The following TCERG1 variants were observed in gnomAD, a reference collection of about 807,000 sequenced individuals.
TCERG1 encodes the protein transcription elongation regulator 1.
A neutral mutation model predicts 144.7 loss-of-function variants in TCERG1; 37 were observed. That is an observed-to-expected ratio of 0.26 (90% CI 0.20 to 0.34). The LOEUF (loss-of-function observed/expected upper bound fraction) is 0.34, where lower values mean the gene tolerates loss of function less well. Among genes scored for constraint, TCERG1 ranks in the 10% least tolerant of loss-of-function variants. The pLI is 1.00. For synonymous variants in TCERG1, 492 were observed against 458.2 expected (o/e 1.07, Z -0.94); for missense variants, 1,027 against 1,380.7 (o/e 0.74, Z 4.06).
rs555736607 is a variant in TCERG1, at chr5:146,473,904, C to T, written c.1601+2328C>T. ...AAGGAGATGAATGGTGTTTTCATGC[C>T]GCTAACAACATCCAGTCTGCAGCCC... On this transcript the variant is annotated intron_variant, in intron 9 of 22. Coordinates refer to ENST00000679501, the MANE Select transcript of TCERG1 (RefSeq NM_001382548.1). Among the ~76,000 whole-genome samples the T allele has an allele frequency of 1.3e-3, 195 of 152,230 alleles. 1 individual carries two copies. Among genetic ancestry groups the T allele is most frequent in the African/African-American group, 4.3e-3 (179 of 41,548 alleles).
rs759136671 is a variant in TCERG1, at chr5:146,463,525, CAT to C, written c.893-25_893-24del. The C allele has an allele frequency of 7.4e-6, 12 of 1,613,172 alleles. No individual in the cohort carries two copies. In the East Asian group the frequency reaches 2.2e-4, roughly 30 times the overall value. On this transcript the variant is annotated intron_variant, in intron 4 of 22. Coordinates refer to ENST00000679501, the MANE Select transcript of TCERG1 (RefSeq NM_001382548.1). ...TAAAATGATTTATGAAGGAGTGATACATGTTTTTGTTTTATCTTTTATCAGCA... is the reference window on the plus strand; with the variant it reads ...TAAAATGATTTATGAAGGAGTGATACGTTTTTGTTTTATCTTTTATCAGCA...
At chr5:146,489,289 C>T (rs570951148) in intron 15 of TCERG1, among the ~76,000 whole-genome samples, 1 of 152,034 alleles carries the variant, frequency 6.6e-6, no homozygotes, top group South Asian at 2.1e-4. Flanking sequence ...AAACACATTT[C>T]GATTGCACAT....
At position 146,492,979 on chromosome 5, in the gene TCERG1, A is replaced by T. The variant is rs1460439271; in HGVS notation, c.2223A>T (p.Lys741Asn). ...AEEERREKKN[K>N]IMQAKEDFKK... is the part of the protein sequence containing the mutation. ...AAGAACGCAGGGAAAAGAAAAATAA[A>T]ATAATGCAAGCCAAGGAAGATTTCA... The change falls in exon 16 of 23, where the codon AAA (lysine) becomes AAT (asparagine). Residue 741 changes from lysine (K) to asparagine (N), a missense_variant. Lys to Asn is a moderately conservative substitution (Grantham distance 94). Around this residue, in one of 6 missense-constraint regions of TCERG1, gnomAD observed 482 missense variants for 632.6 expected, o/e 0.76. Coordinates refer to ENST00000679501, the MANE Select transcript of TCERG1 (RefSeq NM_001382548.1). The T allele has an allele frequency of 2.5e-6, 4 of 1,608,682 alleles. No individual in the cohort carries two copies. The highest frequency in any genetic ancestry group is 3.4e-6 in the Non-Finnish European group (4 of 1,177,986).
intron 8 of TCERG1, 108 bp downstream of exon 8, chr5:146,470,856 G>C: frequency 1.3e-6 from 1 of 785,562 alleles, no homozygotes; most frequent in Admixed American, 3.7e-5. Flanking sequence ...TTATAAATTT[G>C]ATCTCTGAAA....
intron 7 of TCERG1, 88 bp downstream of exon 7, chr5:146,469,832 C>G (rs1764124900): frequency 2.0e-6 from 2 of 992,148 alleles, no homozygotes; most frequent in Non-Finnish European, 2.8e-6. Flanking sequence ...TTCTTTTTAA[C>G]ATATTTGAGG....
intron 9 of TCERG1, among the ~76,000 whole-genome samples, chr5:146,472,814 A>G (rs1481629528): frequency 6.6e-6 from 1 of 151,884 alleles, no homozygotes; most frequent in Non-Finnish European, 1.5e-5. Flanking sequence ...CCTGGGTTCA[A>G]GCGATTCTTC....
intron 8 of TCERG1, 52 bp downstream of exon 8, chr5:146,470,800 G>T: frequency 7.6e-7 from 1 of 1,320,100 alleles, no homozygotes; most frequent in Non-Finnish European, 1.1e-6. Flanking sequence ...GTTTCCTACA[G>T]CTTACTTGTA....
chr5:146,449,368 G>T (rs915102314), intron 1 of TCERG1, among the ~76,000 whole-genome samples: 1 of 152,206 alleles, frequency 6.6e-6, no homozygotes, highest in African/African-American at 2.4e-5. Flanking sequence ...GGTTTGTCCT[G>T]CAGGAGCTTC....
At chr5:146,479,241 T>A (rs768230630) in intron 10 of TCERG1, among the ~76,000 whole-genome samples, 11 of 152,168 alleles carry the variant, frequency 7.2e-5, no homozygotes, top group Non-Finnish European at 1.2e-4. Flanking sequence ...ATTGTGTTTT[T>A]ATAGAACTGT....
At chr5:146,474,209 GT>G (rs1318899824) in intron 9 of TCERG1, among the ~76,000 whole-genome samples, 1 of 152,192 alleles carries the variant, frequency 6.6e-6, no homozygotes, top group Non-Finnish European at 1.5e-5. Context: ...TTTGGAGGAA[GT>G]TGATACCAAC....
Position 146,470,754 on chromosome 5 carries a change from G to A in TCERG1, c.1512+6G>A. On this transcript the variant is annotated splice_donor_region_variant and intron_variant, in intron 8 of 22. Transcript: ENST00000679501. ...CTATAAAGGAGATAAAGGAGGTAAA[G>A]GGCCATGACCTGTTAACCTGGGAGC... 6.2e-7 allele frequency: 1 copy of A among 1,600,086 alleles called. No individual in the cohort carries two copies. The highest frequency in any genetic ancestry group is 8.5e-7 in the Non-Finnish European group (1 of 1,173,860).
Sources: gnomAD v4.1 joint callset for allele counts (sites outside exome capture counted in the v4.1 genomes callset) on GRCh38, gnomAD v4.1.1 for gene constraint, gnomAD v4.1.1 regional missense constraint, MANE v1.5 for transcripts, NCBI Gene and HGNC (gene_info 2026-07-23, HGNC 2026-07-21) for gene names.